The following RBFOX3 variants were observed in gnomAD, a reference collection of about 807,000 sequenced individuals.
The protein encoded by RBFOX3 is RNA binding protein fox-1 homolog 3.
RBFOX3 carries 17 observed loss-of-function variants against 48.7 expected under a neutral mutation model. That is an observed-to-expected ratio of 0.35 (90% CI 0.24 to 0.52). The LOEUF (loss-of-function observed/expected upper bound fraction) is 0.52, where lower values mean the gene tolerates loss of function less well. RBFOX3 is among the 20% of genes least tolerant of loss of function. The pLI is 0.94. For missense variants in RBFOX3, 382 were observed against 497.5 expected, an observed-to-expected ratio of 0.77 and a Z score of 2.21; for synonymous variants, 212 against 209.5, an observed-to-expected ratio of 1.01 and a Z score of -0.10.
chr17:79,383,621 G>A (rs1371460098), intron 2 of RBFOX3, among the ~76,000 whole-genome samples: 1 of 152,214 alleles, frequency 6.6e-6, no homozygotes, highest in Non-Finnish European at 1.5e-5. Context: ...GTCAGAGCAT[G>A]GGACACCTGA....
chr17:79,132,495 G>A (rs545161777), intron 4 of RBFOX3, among the ~76,000 whole-genome samples: 11 of 152,316 alleles, frequency 7.2e-5, no homozygotes, highest in Non-Finnish European at 1.0e-4. Context: ...GGCACTGGGC[G>A]GCTCCCCTCG....
At chr17:79,475,213 A>C (rs1368716260) in intron 2 of RBFOX3, among the ~76,000 whole-genome samples, 14 of 152,074 alleles carry the variant, frequency 9.2e-5, no homozygotes, top group Non-Finnish European at 1.8e-4. Flanking sequence ...CCTCTCCACT[A>C]GGTCTGTGGA....
At chr17:79,165,903 T>A (rs1294612391) in intron 4 of RBFOX3, among the ~76,000 whole-genome samples, 1 of 152,216 alleles carries the variant, frequency 6.6e-6, no homozygotes, top group Non-Finnish European at 1.5e-5. Context: ...GCAGCAGGGC[T>A]GGGAGCCGGT....
At chr17:79,338,813 G>A (rs988040392) in intron 2 of RBFOX3, among the ~76,000 whole-genome samples, 1 of 152,124 alleles carries the variant, frequency 6.6e-6, no homozygotes, top group South Asian at 2.1e-4. Context: ...TTCCTTGTTA[G>A]CCCTGGAGAC....
At chr17:79,519,424 G>A (rs1017889994) in intron 1 of RBFOX3, among the ~76,000 whole-genome samples, 1 of 152,246 alleles carries the variant, frequency 6.6e-6, no homozygotes, top group African/African-American at 2.4e-5. Flanking sequence ...AGGTGGGACC[G>A]AGCTAGCCAG....
At position 79,210,122 on chromosome 17, in the gene RBFOX3, G is replaced by A. The variant is rs558255727; in HGVS notation, c.-34+25644C>T. ...CTTCTGCCCTGGCTAGATAACCTCT[G>A]GAGCCCGAGGGAAGAGTGTACCTGC... is the stretch of plus-strand genomic sequence containing the variant. On this transcript the variant is annotated intron_variant, in intron 4 of 14. Transcript: ENST00000693108. 4.6e-5 allele frequency among the ~76,000 whole-genome samples: 7 copies of A among 152,352 alleles called. No homozygotes were observed. In the South Asian group the frequency reaches 6.2e-4, roughly 14 times the overall value.
intron 5 of RBFOX3, among the ~76,000 whole-genome samples, chr17:79,115,034 A>AGGAGGGCCTGCAACCCGAGGCAGCTC (rs2033448138): frequency 6.6e-6 from 1 of 152,236 alleles, no homozygotes; most frequent in Non-Finnish European, 1.5e-5. Context: ...TAGAAATGAT[A>AGGAGGGCCTGCAACCCGAGGCAGCTC]GGAGGGCCTG....
At chr17:79,549,753 C>T (rs2090946888) in intron 1 of RBFOX3, among the ~76,000 whole-genome samples, 2 of 152,184 alleles carry the variant, frequency 1.3e-5, no homozygotes, top group Admixed American at 1.3e-4. Context: ...TGACTGTCAC[C>T]ATGGGGCCAA....
Position 79,090,678 on chromosome 17 carries a change from C to T in RBFOX3, c.*205G>A. The T allele has an allele frequency of 1.6e-6, 1 of 634,012 alleles. No individual in the cohort carries two copies. Among genetic ancestry groups the T allele is most frequent in the South Asian group, 2.2e-5 (1 of 46,352 alleles). 39.3% of individuals were successfully genotyped at this position (634,012 alleles called of 1,614,324 possible). A position where few individuals can be genotyped will look rare whatever the true frequency, so the allele number is the denominator to read the frequency against. ...GGGGCCGTCCTGTCCTGGGGCCGCT[C>T]CTCGGCGCCCCTGCCGGCGTGCTCC... On this transcript the variant is annotated 3_prime_UTR_variant, in exon 15 of 15. Transcript: ENST00000693108.
Position 79,094,507 on chromosome 17 carries a change from C to T in RBFOX3, c.1021G>A (p.Ala341Thr). The change falls in exon 14 of 15, where the codon GCC becomes ACC. Residue 341 changes from alanine (A) to threonine (T), a missense_variant. Transcript: ENST00000693108. ...CCGATGGTGTGATGGTACGGGTCGG[C>T]AGCTGCGTAGACTCTGCCGTAACTA... Reference protein sequence around the residue: ...SDSYGRVYAAADPYHHTIGPA... With the variant: ...SDSYGRVYAATDPYHHTIGPA... 4.9e-6 allele frequency: 7 copies of T among 1,421,422 alleles called. No homozygotes were observed. Among genetic ancestry groups the T allele is most frequent in the Non-Finnish European group, 6.5e-6 (7 of 1,084,958 alleles). The allele number at this position is 1,421,422 out of a possible 1,614,324, so 88.1% of individuals were successfully genotyped here. A position where few individuals can be genotyped will look rare whatever the true frequency, so the allele number is the denominator to read the frequency against.
intron 1 of RBFOX3, among the ~76,000 whole-genome samples, chr17:79,563,294 G>A (rs2092324239): frequency 1.3e-5 from 2 of 152,198 alleles, no homozygotes; most frequent in Non-Finnish European, 2.9e-5. Flanking sequence ...ACAAGCCAGA[G>A]GCTGACTCAT....
rs1776706800 is a variant in RBFOX3 at position 79,479,711 on chromosome 17, A to G, written c.-175+2743T>C. Among the ~76,000 whole-genome samples the G allele has an allele frequency of 6.6e-6, 1 of 152,104 alleles. No individual in the cohort carries two copies. The highest frequency in any genetic ancestry group is 2.4e-5 in the African/African-American group (1 of 41,416). ...TCACTGTTGATGACCCCGAGGATTT[A>G]CCTATTTGGGGGACACAGGTTCTCA... On this transcript the variant is annotated intron_variant, in intron 2 of 14. Transcript: ENST00000693108. The surrounding 1 kb of genome is among the most constrained non-coding windows in gnomAD (Gnocchi z 5.1).
At chr17:79,131,398 A>T (rs2038872062) in intron 4 of RBFOX3, among the ~76,000 whole-genome samples, 1 of 152,240 alleles carries the variant, frequency 6.6e-6, no homozygotes, top group Non-Finnish European at 1.5e-5. Context: ...ACCGTCTTCC[A>T]GCTGAACGTT....
chr17:79,606,674 G>A (rs925611111), intron 1 of RBFOX3, among the ~76,000 whole-genome samples: 2 of 152,188 alleles, frequency 1.3e-5, no homozygotes, highest in Admixed American at 6.5e-5. Flanking sequence ...TCTGTGTCAC[G>A]TGGTATTTCT....
At chr17:79,620,292 C>T in the RBFOX3 span, among the ~76,000 whole-genome samples, 761 of 150,796 alleles carry the variant, frequency 5.0e-3, 30 homozygotes, top group Admixed American at 0.043. Flanking sequence ...TGCGCACACA[C>T]GCACACACGC....
rs140763242 is a variant in RBFOX3 at position 79,170,395 on chromosome 17, C to T, written c.-33-54647G>A. 9.5e-3 allele frequency among the ~76,000 whole-genome samples: 1,442 copies of T among 152,178 alleles called. 8 individuals are homozygous for T. Among genetic ancestry groups the T allele is most frequent in the Non-Finnish European group, 0.014 (974 of 67,980 alleles). On this transcript the variant is annotated intron_variant, in intron 4 of 14. Coordinates refer to ENST00000693108, the MANE Select transcript of RBFOX3 (RefSeq NM_001350451.2). ...CCCTGCCAGGGGCCTGCAGCCCAGC[C>T]TGGAGCCTGAGGGAGGGCTCCAGGG...
At chr17:79,295,125 C>G (rs2074118598) in intron 3 of RBFOX3, among the ~76,000 whole-genome samples, 1 of 152,170 alleles carries the variant, frequency 6.6e-6, no homozygotes, top group Non-Finnish European at 1.5e-5. Flanking sequence ...AGGGAATGTG[C>G]TTGGATTTGG....
rs74586411 is a variant in RBFOX3 at position 79,202,086 on chromosome 17, G to A, written c.-34+33680C>T. Among the ~76,000 whole-genome samples the A allele has an allele frequency of 3.3e-3, 497 of 152,264 alleles. 8 individuals carry two copies. The South Asian group carries it at 0.043, about 13-fold the overall frequency. The stretch of plus-strand genomic sequence containing the variant: ...CAGTCATTACCAGGAGAATGACCTC[G>A]GTCCCCTGGGTGCACTGACAGGCTT... On this transcript the variant is annotated intron_variant, in intron 4 of 14. Coordinates refer to ENST00000693108, the MANE Select transcript of RBFOX3 (RefSeq NM_001350451.2).
chr17:79,552,324 G>T (rs2091232067), intron 1 of RBFOX3, among the ~76,000 whole-genome samples: 2 of 152,160 alleles, frequency 1.3e-5, no homozygotes, highest in Non-Finnish European at 2.9e-5. Flanking sequence ...ATAAACACAT[G>T]AAAAGTTAAA....
Sources: gnomAD v4.1 joint callset for allele counts (sites outside exome capture counted in the v4.1 genomes callset) on GRCh38, gnomAD v4.1.1 for gene constraint, Gnocchi (gnomAD v3.1) non-coding constraint, MANE v1.5 for transcripts, NCBI Gene and HGNC (gene_info 2026-07-23, HGNC 2026-07-21) for gene names.